Variants in KIF5C observed in about 807,000 individuals in gnomAD.
The protein encoded by KIF5C is kinesin family member 5C.
Under a neutral mutation model 125.2 loss-of-function variants are expected in KIF5C, and 18 were observed. The observed-to-expected ratio is 0.14, with a 90% CI of 0.10 to 0.21. The LOEUF is 0.21. Among genes scored for constraint, KIF5C ranks in the 10% least tolerant of loss-of-function variants. The probability of loss-of-function intolerance (pLI) is 1.00; values close to 1 mark genes in which losing one functional copy is unlikely to be tolerated. For synonymous variants in KIF5C, 405 were observed against 434.0 expected, an observed-to-expected ratio of 0.93 and a Z score of 0.83; for missense variants, 780 against 1,183.8, an observed-to-expected ratio of 0.66 and a Z score of 5.01.
At position 148,991,216 on chromosome 2, in the gene KIF5C, C is replaced by T. The variant is rs1409644552; in HGVS notation, c.1905+18C>T. ...TCTCCCAGGTGGGCCCTTCCCTTCC[C>T]CATCATTGCACTCTTGTTGTCTTGA... On this transcript the variant is annotated intron_variant, in intron 16 of 25. Transcript: ENST00000435030. 6.2e-7 allele frequency: 1 copy of T among 1,610,622 alleles called. No individual in the cohort carries two copies. Among genetic ancestry groups the T allele is most frequent in the Admixed American group, 1.7e-5 (1 of 59,812 alleles).
At chr2:148,921,206 C>A (rs1558894686) in intron 1 of KIF5C, among the ~76,000 whole-genome samples, 1 of 152,126 alleles carries the variant, frequency 6.6e-6, no homozygotes, top group Non-Finnish European at 1.5e-5. Context: ...GAGTTTCTTC[C>A]CTTACCTCTA....
chr2:148,919,412 C>T (rs1681693087), intron 1 of KIF5C, among the ~76,000 whole-genome samples: 1 of 152,154 alleles, frequency 6.6e-6, no homozygotes, highest in Non-Finnish European at 1.5e-5. Flanking sequence ...GTACCCAGAA[C>T]CTGCATTAAA....
intron 8 of KIF5C, chr2:148,947,770 C>T (rs774549382): frequency 7.5e-5 from 30 of 398,162 alleles, no homozygotes; most frequent in Non-Finnish European, 5.1e-5. Context: ...TGACCTCCCT[C>T]GAGCAACATC....
chr2:148,980,089 G>C lies in KIF5C; in HGVS notation c.1362+1099G>C, dbSNP rs543618615. ...TGTCCTCAATCCCAGGCCTCTGTAGGCATAAAGGACTCTGTAACCATTTCC... is the reference window on the plus strand; with the variant it reads ...TGTCCTCAATCCCAGGCCTCTGTAGCCATAAAGGACTCTGTAACCATTTCC... On this transcript the variant is annotated intron_variant, in intron 13 of 25. Transcript: ENST00000435030. Among the ~76,000 whole-genome samples, 9 of 152,306 alleles carry C rather than the reference G, an allele frequency of 5.9e-5. No homozygotes were observed. In the East Asian group the frequency reaches 1.7e-3, roughly 29 times the overall value.
intron 14 of KIF5C, among the ~76,000 whole-genome samples, chr2:148,981,820 C>A (rs1390220982): frequency 6.6e-6 from 1 of 152,166 alleles, no homozygotes; most frequent in East Asian, 1.9e-4. Context: ...TGGGAATAGT[C>A]AAAAGAGTGC....
At chr2:148,982,978 T>A (rs908150438) in intron 14 of KIF5C, among the ~76,000 whole-genome samples, 1 of 152,194 alleles carries the variant, frequency 6.6e-6, no homozygotes, top group Non-Finnish European at 1.5e-5. Flanking sequence ...GAAAAAGAGA[T>A]GGGTTTATTA....
rs73970614 is a variant in KIF5C at position 148,943,724 on chromosome 2, T to C, written c.589+964T>C. Among the ~76,000 whole-genome samples, 937 of 152,272 alleles carry C rather than the reference T, an allele frequency of 6.2e-3. 4 individuals are homozygous for C. Among genetic ancestry groups the C allele is most frequent in the African/African-American group, 0.021 (889 of 41,548 alleles). On this transcript the variant is annotated intron_variant, in intron 7 of 25. Transcript: ENST00000435030. ...TAGAGAGGTAGTGAGTTCACTGTTATGTTGTAAAAGAGATTCAGGCATTGG... is the reference window on the plus strand; with the variant it reads ...TAGAGAGGTAGTGAGTTCACTGTTACGTTGTAAAAGAGATTCAGGCATTGG...
chr2:149,005,514 G>A lies in KIF5C; in HGVS notation c.2445+50G>A, dbSNP rs116049251. On this transcript the variant is annotated intron_variant, in intron 22 of 25. Transcript: ENST00000435030. ...ACTGAGAAGAAAATCAAAGATGGCA[G>A]GGAAGAATCATTTTCAGTTGAAATA... The A allele has an allele frequency of 1.1e-3, 1,681 of 1,599,824 alleles. 17 individuals are homozygous for A. The African/African-American group carries it at 0.02, about 19-fold the overall frequency.
Position 149,010,207 on chromosome 2 carries a change from C to A in KIF5C, c.2623C>A (p.Arg875Ser), listed in dbSNP as rs1310431752. The A allele has an allele frequency of 3.2e-6, 5 of 1,559,756 alleles. No individual in the cohort carries two copies. The change falls in exon 24 of 26, where the codon CGC becomes AGC. Residue 875 changes from arginine (R) to serine (S), a missense_variant. Arg to Ser is a moderately radical substitution (Grantham distance 110). This residue lies in a region of KIF5C where 573 missense variants were observed against 742.6 expected (regional missense o/e 0.77). Coordinates refer to ENST00000435030, the MANE Select transcript of KIF5C (RefSeq NM_004522.3). ...GAAGCGGCTGCGTGCCACGGCGGAG[C>A]GCGTCAAGGCTCTGGAGAGCGCGCT... ...LEKRLRATAE[R>S]VKALESALKE...
At chr2:148,901,353 A>C (rs1447457606) in intron 1 of KIF5C, among the ~76,000 whole-genome samples, 1 of 152,182 alleles carries the variant, frequency 6.6e-6, no homozygotes, top group Non-Finnish European at 1.5e-5. Flanking sequence ...GCACAAAGAA[A>C]GAACTCTGGA....
chr2:148,882,516 C>T (rs1253925976), intron 1 of KIF5C, among the ~76,000 whole-genome samples: 1 of 152,152 alleles, frequency 6.6e-6, no homozygotes, highest in East Asian at 1.9e-4. Context: ...CTGCCTACTC[C>T]CTAGCCTTAC....
chr2:148,955,774 G>A (rs13384566), intron 10 of KIF5C, among the ~76,000 whole-genome samples: 8 of 152,006 alleles, frequency 5.3e-5, no homozygotes, highest in South Asian at 2.1e-4. Flanking sequence ...GAGAATCTCC[G>A]TTTCTGTCTC....
In KIF5C at chr2:148,900,839, C is replaced by A. The variant is rs116202668; in HGVS notation, c.127-21298C>A. On this transcript the variant is annotated intron_variant, in intron 1 of 25. Coordinates refer to ENST00000435030, the MANE Select transcript of KIF5C (RefSeq NM_004522.3). Reference sequence around the variant, plus strand: ...TTGGAAAGCAAGTGTAGGAGTGGGGCCACAAGGAGGGTACCTGGTCTAGAA... The same window carrying A: ...TTGGAAAGCAAGTGTAGGAGTGGGGACACAAGGAGGGTACCTGGTCTAGAA... 6.8e-3 allele frequency among the ~76,000 whole-genome samples: 1,036 copies of A among 152,150 alleles called. 10 individuals are homozygous for A. The highest frequency in any genetic ancestry group is 0.022 in the African/African-American group (915 of 41,496).
intron 25 of KIF5C, among the ~76,000 whole-genome samples, chr2:149,012,070 A>G (rs992124252): frequency 3.3e-5 from 5 of 152,200 alleles, no homozygotes; most frequent in Non-Finnish European, 7.3e-5. Context: ...TTTAAGTCTC[A>G]GGAACAGAAT....
intron 21 of KIF5C, among the ~76,000 whole-genome samples, chr2:149,004,386 A>G (rs960304486): frequency 6.6e-6 from 1 of 152,204 alleles, no homozygotes; most frequent in African/African-American, 2.4e-5. Context: ...CTCTTCCTCT[A>G]TAGGAAAATA....
intron 1 of KIF5C, among the ~76,000 whole-genome samples, chr2:148,912,205 C>T (rs1681367485): frequency 1.3e-5 from 2 of 152,164 alleles, no homozygotes. Context: ...GGGGCAGGGG[C>T]TGGCAGAAGG....
At chr2:148,885,015 GGCTGGAGT>G (rs888572195) in intron 1 of KIF5C, among the ~76,000 whole-genome samples, 1 of 149,980 alleles carries the variant, frequency 6.7e-6, no homozygotes, top group Non-Finnish European at 1.5e-5. Flanking sequence ...CTGTCTCCCA[GGCTGGAGT>G]GCAATGGCAC....
intron 11 of KIF5C, among the ~76,000 whole-genome samples, chr2:148,972,794 G>T (rs1331732067): frequency 6.6e-6 from 1 of 152,170 alleles, no homozygotes; most frequent in East Asian, 1.9e-4. Context: ...CTCTAGTCTT[G>T]GATCCAGGGC....
Position 148,887,695 on chromosome 2 carries a change from A to T in KIF5C, c.126+11952A>T, listed in dbSNP as rs529269424. On this transcript the variant is annotated intron_variant, in intron 1 of 25. Coordinates refer to ENST00000435030, the MANE Select transcript of KIF5C (RefSeq NM_004522.3). ...TGTAAAATTTGCTTTTTTTTTTTTTAAATTCAACTTCCATTTTCGATGGAG... is the reference window on the plus strand; with the variant it reads ...TGTAAAATTTGCTTTTTTTTTTTTTTAATTCAACTTCCATTTTCGATGGAG... Among the ~76,000 whole-genome samples the T allele has an allele frequency of 1.4e-3, 196 of 143,268 alleles. 2 individuals are homozygous for T. In the East Asian group the frequency reaches 0.018, roughly 13 times the overall value. 94.0% of individuals were successfully genotyped at this position (143,268 alleles called of 152,430 possible). A position where few individuals can be genotyped will look rare whatever the true frequency, so the allele number is the denominator to read the frequency against.
Sources: allele counts gnomAD v4.1 joint callset (sites outside exome capture counted in the v4.1 genomes callset), GRCh38; gene constraint gnomAD v4.1.1; regional missense constraint gnomAD v4.1.1; transcripts MANE v1.5; gene names NCBI Gene and HGNC (gene_info 2026-07-23, HGNC 2026-07-21).